SOCS7: variants seen among roughly 807,000 people sequenced by gnomAD.
SOCS7 encodes NAP-4.
In SOCS7, 18 loss-of-function variants were observed where a neutral mutation model predicts 58.9. That is an observed-to-expected ratio of 0.31 (90% CI 0.21 to 0.45). SOCS7 has a LOEUF of 0.45. Ranked by LOEUF, SOCS7 falls within the 20% of genes least tolerant of loss-of-function variation. The probability of loss-of-function intolerance (pLI) is 1.00; values close to 1 mark genes in which losing one functional copy is unlikely to be tolerated. For missense variants in SOCS7, 667 were observed against 837.3 expected, an observed-to-expected ratio of 0.80 and a Z score of 2.51; for synonymous variants, 388 against 364.3, an observed-to-expected ratio of 1.06 and a Z score of -0.74.
At chr17:38,385,280 T>A (rs1391616219) in intron 7 of SOCS7, among the ~76,000 whole-genome samples, 2 of 152,074 alleles carry the variant, frequency 1.3e-5, no homozygotes, top group Non-Finnish European at 2.9e-5. Flanking sequence ...AATATTGTTA[T>A]GTTTGGAGTT....
chr17:38,393,227 T>G (rs2038198982), intron 7 of SOCS7, among the ~76,000 whole-genome samples: 1 of 151,864 alleles, frequency 6.6e-6, no homozygotes, highest in Non-Finnish European at 1.5e-5. Flanking sequence ...AATAAAATAA[T>G]GTATTTTGAT....
chr17:38,397,603 A>G (rs1273490609), intron 9 of SOCS7, among the ~76,000 whole-genome samples: 1 of 152,276 alleles, frequency 6.6e-6, no homozygotes, highest in African/African-American at 2.4e-5. Flanking sequence ...CCTTTTTAAC[A>G]GAGAGGTCCA....
At chr17:38,392,426 A>G (rs905853193) in intron 7 of SOCS7, among the ~76,000 whole-genome samples, 8 of 152,222 alleles carry the variant, frequency 5.3e-5, no homozygotes, top group Non-Finnish European at 1.2e-4. Flanking sequence ...TGAGTTTACC[A>G]GTATTACAGC....
At chr17:38,366,184 G>A in intron 4 of SOCS7, 103 bp from the exon 5 acceptor site, 3 of 1,490,962 alleles carry the variant, frequency 2.0e-6, no homozygotes, top group Middle Eastern at 3.5e-4. Flanking sequence ...AGCTTCTAAT[G>A]CCTTGCCCTC....
chr17:38,371,216 C>T (rs1214523922), intron 6 of SOCS7, among the ~76,000 whole-genome samples: 1 of 151,756 alleles, frequency 6.6e-6, no homozygotes, highest in Non-Finnish European at 1.5e-5. Context: ...TGAGTTAAAG[C>T]GATTCTCCTG....
chr17:38,389,542 C>A (rs1220960134), intron 7 of SOCS7, among the ~76,000 whole-genome samples: 1 of 151,924 alleles, frequency 6.6e-6, no homozygotes, highest in African/African-American at 2.4e-5. Flanking sequence ...TATTTTATCT[C>A]AAAAAATAAA....
chr17:38,368,179 T>C, intron 6 of SOCS7, 129 bp downstream of exon 6: 1 of 773,138 alleles, frequency 1.3e-6, no homozygotes. Context: ...TAGACTCAGT[T>C]GAATATTGAT....
At chr17:38,354,038 A>G (rs1435893446) in intron 1 of SOCS7, among the ~76,000 whole-genome samples, 2 of 152,186 alleles carry the variant, frequency 1.3e-5, no homozygotes, top group Non-Finnish European at 2.9e-5. Flanking sequence ...GAAAATTCCA[A>G]ACATAGACGT....
Position 38,395,943 on chromosome 17 carries a change from A to G in SOCS7, c.1913A>G (p.Lys638Arg). ...LKEAQLISKQKQEVEPST is the reference protein window; with the variant it reads ...LKEAQLISKQRQEVEPST The stretch of plus-strand genomic sequence containing the variant: ...GAAGCGCAGCTCATTTCCAAACAGA[A>G]GCAAGAGGTGGAACCCTCCACGTAG... Residue 638 changes from lysine to arginine, a missense_variant, in exon 9 of 10, where the codon AAG becomes AGG. Physicochemically the swap from Lys to Arg is conservative, Grantham distance 26. Coordinates refer to ENST00000612932, the MANE Select transcript of SOCS7 (RefSeq NM_014598.4). 1 of 1,611,076 alleles carries G rather than the reference A, an allele frequency of 6.2e-7. No homozygotes were observed. Among genetic ancestry groups the G allele is most frequent in the Non-Finnish European group, 8.5e-7 (1 of 1,179,314 alleles).
intron 7 of SOCS7, among the ~76,000 whole-genome samples, chr17:38,389,899 A>ATATATGTG (rs2038143219): frequency 1.2e-3 from 12 of 10,174 alleles, no homozygotes; most frequent in South Asian, 6.3e-3. Flanking sequence ...ATATATATAT[A>ATATATGTG]CACATATAGA....
At chr17:38,366,454 T>G (rs2037791424) in intron 5 of SOCS7, 37 bp downstream of exon 5, 2 of 1,610,770 alleles carry the variant, frequency 1.2e-6, no homozygotes, top group Admixed American at 3.3e-5. Context: ...TCACTTCTCC[T>G]CCCATTAGCT....
At chr17:38,356,326 A>G (rs998946865) in intron 1 of SOCS7, among the ~76,000 whole-genome samples, 1 of 151,662 alleles carries the variant, frequency 6.6e-6, no homozygotes, top group African/African-American at 2.4e-5. Context: ...AGGGCACAGT[A>G]AGCTATGATG....
intron 6 of SOCS7, 51 bp from the exon 7 acceptor site, chr17:38,377,663 T>C: frequency 6.4e-7 from 1 of 1,554,676 alleles, no homozygotes; most frequent in African/African-American, 1.4e-5. Flanking sequence ...CAGCCTCTCA[T>C]GTCTTCTGAA....
At chr17:38,386,582 T>C (rs2144379585) in intron 7 of SOCS7, among the ~76,000 whole-genome samples, 1 of 152,216 alleles carries the variant, frequency 6.6e-6, no homozygotes, top group East Asian at 1.9e-4. Context: ...TTAGCAGCTG[T>C]TCATTGGGAG....
At chr17:38,380,773 C>A (rs1016923887) in intron 7 of SOCS7, among the ~76,000 whole-genome samples, 1 of 152,042 alleles carries the variant, frequency 6.6e-6, no homozygotes, top group East Asian at 1.9e-4. Context: ...GCAGGAGAAT[C>A]ACTTGAACCT....
chr17:38,400,116 G>C lies in SOCS7; in HGVS notation c.*634G>C, dbSNP rs2038299657. 1 of 152,216 alleles carries C rather than the reference G, an allele frequency of 6.6e-6. No individual in the cohort carries two copies. The highest frequency in any genetic ancestry group is 1.5e-5 in the Non-Finnish European group (1 of 68,050). 9.4% of individuals were successfully genotyped at this position (152,216 alleles called of 1,614,324 possible). On this transcript the variant is annotated 3_prime_UTR_variant, in exon 10 of 10. Transcript: ENST00000612932. ...GGCAAAACCTAGCCAATTGGCCTTA[G>C]CTGGGAGAAGTAGTGACTCCTGCAT... is the stretch of plus-strand genomic sequence containing the variant.
At chr17:38,367,223 C>T (rs1024801657) in intron 5 of SOCS7, among the ~76,000 whole-genome samples, 16 of 152,124 alleles carry the variant, frequency 1.1e-4, no homozygotes, top group African/African-American at 3.9e-4. Flanking sequence ...CACCACCATG[C>T]CCAGCTAATT....
intron 7 of SOCS7, among the ~76,000 whole-genome samples, chr17:38,384,579 C>T (rs531035232): frequency 6.6e-6 from 1 of 152,078 alleles, no homozygotes; most frequent in Admixed American, 6.5e-5. Flanking sequence ...CAGGTGTGAA[C>T]CACCATGCCC....
rs768678079 is a variant in SOCS7 at position 38,353,041 on chromosome 17, G to T, written c.980+9G>T. ...GAGCTGGACGCGGGGAGGTGAGACC[G>T]GCCGGGGGCTGGCCGACAAACTTCC... On this transcript the variant is annotated intron_variant, in intron 1 of 9. Transcript: ENST00000612932. 12 of 1,560,288 alleles carry T rather than the reference G, an allele frequency of 7.7e-6. No individual in the cohort carries two copies. Among genetic ancestry groups the T allele is most frequent in the Non-Finnish European group, 9.5e-6 (11 of 1,158,030 alleles).
Sources: allele counts gnomAD v4.1 joint callset (sites outside exome capture counted in the v4.1 genomes callset), GRCh38; gene constraint gnomAD v4.1.1; transcripts MANE v1.5; gene names NCBI Gene and HGNC (gene_info 2026-07-23, HGNC 2026-07-21).